The following PDGFD variants were observed in gnomAD, a reference collection of about 807,000 sequenced individuals.
PDGFD encodes platelet derived growth factor D, also known as platelet-derived growth factor D.
A neutral mutation model predicts 44.7 loss-of-function variants in PDGFD; 30 were observed. That is an observed-to-expected ratio of 0.67 (90% confidence interval 0.50 to 0.91). The LOEUF (loss-of-function observed/expected upper bound fraction) is 0.91, where lower values mean the gene tolerates loss of function less well. Ranked by LOEUF, PDGFD falls within the 40% of genes least tolerant of loss-of-function variation. The probability of loss-of-function intolerance (pLI) is 0.00; values close to 1 mark genes in which losing one functional copy is unlikely to be tolerated. For missense variants in PDGFD, 445 were observed against 457.8 expected (o/e 0.97, Z 0.25); for synonymous variants, 173 against 168.4 (o/e 1.03, Z -0.21).
In PDGFD at chr11:103,943,493, G is replaced by C. The variant is rs1351510591; in HGVS notation, c.731C>G (p.Pro244Arg). ...EDLENMYLDT[P>R]RYRGRSYHDR... ...ATGGTATGACCTGCCTCGATACCGA[G>C]GGGTGTCCAGATACATATTCTCAAG... The change falls in exon 5 of 7, where the codon CCT (proline) becomes CGT (arginine). Residue 244 changes from proline (P) to arginine (R), a missense_variant. Transcript: ENST00000393158. The C allele has an allele frequency of 4.3e-6, 7 of 1,613,110 alleles. No homozygotes were observed. Among genetic ancestry groups the C allele is most frequent in the Non-Finnish European group, 5.9e-6 (7 of 1,179,548 alleles).
intron 1 of PDGFD, among the ~76,000 whole-genome samples, chr11:104,109,274 T>C (rs1861516017): frequency 6.6e-6 from 1 of 152,138 alleles, no homozygotes; most frequent in Non-Finnish European, 1.5e-5. Context: ...AAATCAGGCT[T>C]GAGCCCTGTG....
chr11:104,137,201 A>G (rs1862020000), intron 1 of PDGFD, among the ~76,000 whole-genome samples: 1 of 152,208 alleles, frequency 6.6e-6, no homozygotes, highest in South Asian at 2.1e-4. Flanking sequence ...TTAGAATTTC[A>G]GTAACAAAAG....
rs557056611 is a variant in PDGFD, at chr11:103,971,424, T to C, written c.511-23700A>G. ...AGAAGTCTTCTCTTTTAACCACTCA[T>C]AAATATGTAATTTCTCCATATTTTA... On this transcript the variant is annotated intron_variant, in intron 3 of 6. Transcript: ENST00000393158. 2.0e-5 allele frequency among the ~76,000 whole-genome samples: 3 copies of C among 152,308 alleles called. No individual in the cohort carries two copies. The South Asian group carries it at 6.2e-4, about 32-fold the overall frequency.
At chr11:103,919,024 C>T (rs903361373) in intron 6 of PDGFD, among the ~76,000 whole-genome samples, 1 of 152,142 alleles carries the variant, frequency 6.6e-6, no homozygotes, top group African/African-American at 2.4e-5. Context: ...CAGCTGGAAG[C>T]ACACAACCAG....
chr11:104,152,779 G>A (rs1862263438), intron 1 of PDGFD, among the ~76,000 whole-genome samples: 1 of 151,998 alleles, frequency 6.6e-6, no homozygotes, highest in Non-Finnish European at 1.5e-5. Context: ...AAAAGTATAT[G>A]TAATTTGGGG....
chr11:104,027,907 T>G (rs576864120), intron 1 of PDGFD, among the ~76,000 whole-genome samples: 1 of 152,092 alleles, frequency 6.6e-6, no homozygotes, highest in African/African-American at 2.4e-5. Context: ...TTAAAAAGCA[T>G]AGGCCGGGCG....
At chr11:103,954,980 C>T (rs1379139117) in intron 3 of PDGFD, among the ~76,000 whole-genome samples, 1 of 150,570 alleles carries the variant, frequency 6.6e-6, no homozygotes, top group Non-Finnish European at 1.5e-5. Context: ...CCGGCTAAAA[C>T]GGTGAAACCC....
intron 3 of PDGFD, among the ~76,000 whole-genome samples, chr11:103,954,516 C>G (rs1462702289): frequency 6.6e-6 from 1 of 152,180 alleles, no homozygotes; most frequent in Non-Finnish European, 1.5e-5. Flanking sequence ...CTATTCATGG[C>G]TAGAGGGATG....
chr11:104,036,204 C>T (rs755669568), intron 1 of PDGFD, among the ~76,000 whole-genome samples: 1 of 152,036 alleles, frequency 6.6e-6, no homozygotes, highest in Non-Finnish European at 1.5e-5. Flanking sequence ...TTTGGGAGGC[C>T]GAAGTGTGGG....
chr11:104,084,787 A>ATATAAAATATATTTTATAAGTAT (rs1565330188), intron 1 of PDGFD, among the ~76,000 whole-genome samples: 5 of 133,108 alleles, frequency 3.8e-5, no homozygotes, highest in Admixed American at 7.7e-5. Context: ...ACATAAAATA[A>ATATAAAATATATTTTATAAGTAT]TATAAAATAT....
intron 3 of PDGFD, among the ~76,000 whole-genome samples, chr11:103,984,078 T>C (rs1859314923): frequency 6.6e-6 from 1 of 151,706 alleles, no homozygotes; most frequent in Non-Finnish European, 1.5e-5. Flanking sequence ...CAAAGGAATA[T>C]AAATCATTCT....
intron 1 of PDGFD, among the ~76,000 whole-genome samples, chr11:104,130,594 C>T (rs1468625862): frequency 1.3e-5 from 2 of 152,170 alleles, no homozygotes; most frequent in Non-Finnish European, 2.9e-5. Flanking sequence ...TCCCTATACT[C>T]AACTATACTA....
At chr11:104,161,950 A>AGAGAGAGTGTGTGTGTGT (rs142168784) in intron 1 of PDGFD, among the ~76,000 whole-genome samples, 1 of 148,908 alleles carries the variant, frequency 6.7e-6, no homozygotes, top group Non-Finnish European at 1.5e-5. Context: ...AATCAAAGAG[A>AGAGAGAGTGTGTGTGTGT]GTGTGTGTGT....
intron 1 of PDGFD, among the ~76,000 whole-genome samples, chr11:104,145,480 C>A (rs1862149170): frequency 6.6e-6 from 1 of 152,136 alleles, no homozygotes; most frequent in African/African-American, 2.4e-5. Context: ...TTCTGATGAA[C>A]TGCAAGTCTT....
intron 1 of PDGFD, among the ~76,000 whole-genome samples, chr11:104,114,013 A>G (rs11226172): frequency 0.19 from 28,519 of 151,910 alleles, 2,784 homozygotes; most frequent in Middle Eastern, 0.29. Context: ...ACAGATAGAT[A>G]TTTTACAAAT....
At chr11:104,073,417 C>T (rs552150023) in intron 1 of PDGFD, among the ~76,000 whole-genome samples, 3 of 152,054 alleles carry the variant, frequency 2.0e-5, no homozygotes, top group Non-Finnish European at 4.4e-5. Flanking sequence ...AAACAAGAAA[C>T]TCTCCTTTAA....
rs527679556 is a variant in PDGFD at position 104,141,785 on chromosome 11, G to A, written c.124+22019C>T. On this transcript the variant is annotated intron_variant, in intron 1 of 6. Coordinates refer to ENST00000393158, the MANE Select transcript of PDGFD (RefSeq NM_025208.5). ...GGAGTGATGCAGCCAAAGAATGTCCGCAGCCAAGAGCAGGTAACAGGCCTC... is the reference window on the plus strand; with the variant it reads ...GGAGTGATGCAGCCAAAGAATGTCCACAGCCAAGAGCAGGTAACAGGCCTC... 9.2e-5 allele frequency among the ~76,000 whole-genome samples: 14 copies of A among 152,210 alleles called. No homozygotes were observed. The East Asian group carries it at 1.2e-3, about 13-fold the overall frequency.
intron 1 of PDGFD, among the ~76,000 whole-genome samples, chr11:104,089,126 G>A (rs1231551335): frequency 6.6e-6 from 1 of 152,188 alleles, no homozygotes; most frequent in Non-Finnish European, 1.5e-5. Flanking sequence ...AGCAGTCAAT[G>A]AACTTCAGAG....
intron 1 of PDGFD, among the ~76,000 whole-genome samples, chr11:104,046,763 T>C (rs1223039542): frequency 6.8e-6 from 1 of 147,160 alleles, no homozygotes; most frequent in Non-Finnish European, 1.5e-5. Context: ...TTATTATACT[T>C]TAAGTTCTGG....
Sources: allele counts gnomAD v4.1 joint callset (sites outside exome capture counted in the v4.1 genomes callset), GRCh38; gene constraint gnomAD v4.1.1; transcripts MANE v1.5; gene names NCBI Gene and HGNC (gene_info 2026-07-23, HGNC 2026-07-21).